The following GPC6 variants were observed in gnomAD, a reference collection of about 807,000 sequenced individuals.
GPC6 encodes glypican 6, also known as glypican-6.
Under a neutral mutation model 55.2 loss-of-function variants are expected in GPC6, and 14 were observed. That is an observed-to-expected ratio of 0.25 (90% CI 0.17 to 0.40). The LOEUF is 0.40. GPC6 is among the 10% of genes least tolerant of loss of function. The probability of loss-of-function intolerance (pLI) is 1.00; values close to 1 mark genes in which losing one functional copy is unlikely to be tolerated. For missense variants in GPC6, 641 were observed against 708.5 expected, an observed-to-expected ratio of 0.90 and a Z score of 1.08; for synonymous variants, 278 against 259.6, an observed-to-expected ratio of 1.07 and a Z score of -0.68.
rs1170109819 is a variant in GPC6, at chr13:93,487,421, AT to A, written c.161-57840del. ...TGTGTATTTTCTCCTCTGTGTGTTC[AT>A]TAACATAGCGCCTGCTAGTAAACGT... On this transcript the variant is annotated intron_variant, in intron 1 of 8. Transcript: ENST00000377047. Among the ~76,000 whole-genome samples, 3 of 152,118 alleles carry A rather than the reference AT, an allele frequency of 2.0e-5. No homozygotes were observed. In the East Asian group the frequency reaches 5.8e-4, roughly 29 times the overall value.
chr13:94,405,985 A>T lies in GPC6; in HGVS notation c.*2768A>T, dbSNP rs1322215790. 6.6e-6 allele frequency: 1 copy of T among 152,096 alleles called. No individual in the cohort carries two copies. Among genetic ancestry groups the T allele is most frequent in the Non-Finnish European group, 1.5e-5 (1 of 67,998 alleles). 9.4% of individuals were successfully genotyped at this position (152,096 alleles called of 1,614,324 possible). On this transcript the variant is annotated 3_prime_UTR_variant, in exon 9 of 9. Coordinates refer to ENST00000377047, the MANE Select transcript of GPC6 (RefSeq NM_005708.5). ...TTCAACCCTCGAATTATTTTTTCTC[A>T]TTTCAGCATAGTGATAGGGGATGCA...
At chr13:93,674,063 G>C (rs1015477742) in intron 2 of GPC6, among the ~76,000 whole-genome samples, 17 of 152,068 alleles carry the variant, frequency 1.1e-4, no homozygotes, top group African/African-American at 4.1e-4. Context: ...GGGGCAAGAA[G>C]CCAAGTGGAA....
intron 3 of GPC6, among the ~76,000 whole-genome samples, chr13:93,881,152 A>C (rs1316760766): frequency 6.6e-6 from 1 of 152,104 alleles, no homozygotes; most frequent in Non-Finnish European, 1.5e-5. Context: ...TGGTGGAAAT[A>C]GAATGTGAGT....
intron 3 of GPC6, among the ~76,000 whole-genome samples, chr13:93,930,341 G>A (rs1433314967): frequency 4.1e-5 from 6 of 146,678 alleles, no homozygotes; most frequent in Admixed American, 3.5e-4. Context: ...GTGCAATCTC[G>A]GCTCACTGCA....
At chr13:93,553,208 ATTC>A (rs1382280245) in intron 2 of GPC6, among the ~76,000 whole-genome samples, 3 of 152,056 alleles carry the variant, frequency 2.0e-5, no homozygotes, top group African/African-American at 7.2e-5. Flanking sequence ...ATAAAAAATT[ATTC>A]TTTCTTCTTC....
chr13:93,362,762 T>C (rs1327062287), intron 1 of GPC6, among the ~76,000 whole-genome samples: 3 of 152,104 alleles, frequency 2.0e-5, no homozygotes, highest in African/African-American at 7.2e-5. Flanking sequence ...CTTGCTTTAC[T>C]AATCTTCAGG....
chr13:94,246,043 TA>T (rs1891186173), intron 4 of GPC6, among the ~76,000 whole-genome samples: 1 of 152,140 alleles, frequency 6.6e-6, no homozygotes, highest in Non-Finnish European at 1.5e-5. Flanking sequence ...GTCTTTTTTA[TA>T]GTAGACATTC....
intron 4 of GPC6, among the ~76,000 whole-genome samples, chr13:94,112,256 C>G (rs1886272773): frequency 6.6e-6 from 1 of 151,958 alleles, no homozygotes; most frequent in African/African-American, 2.4e-5. Flanking sequence ...ATTTGAGATT[C>G]AAATATATGC....
intron 4 of GPC6, among the ~76,000 whole-genome samples, chr13:94,267,231 G>T (rs775071999): frequency 6.6e-6 from 1 of 152,012 alleles, no homozygotes; most frequent in Non-Finnish European, 1.5e-5. Context: ...TTGTAATAAC[G>T]TTTGGAAACC....
intron 3 of GPC6, among the ~76,000 whole-genome samples, chr13:93,847,336 T>C (rs1888217110): frequency 6.6e-6 from 1 of 152,102 alleles, no homozygotes. Context: ...ATTATGATCA[T>C]GAGAAGGGGC....
At chr13:93,792,725 T>C (rs768669177) in intron 2 of GPC6, among the ~76,000 whole-genome samples, 2 of 152,186 alleles carry the variant, frequency 1.3e-5, no homozygotes, top group Non-Finnish European at 2.9e-5. Context: ...AAGGGAGTAC[T>C]CAAGCTATGC....
At chr13:93,429,405 G>T (rs531672123) in intron 1 of GPC6, among the ~76,000 whole-genome samples, 1 of 152,214 alleles carries the variant, frequency 6.6e-6, no homozygotes, top group Non-Finnish European at 1.5e-5. Context: ...CTCTATTAGT[G>T]ATGGGGACCA....
intron 2 of GPC6, among the ~76,000 whole-genome samples, chr13:93,727,410 A>G (rs1883681433): frequency 1.3e-5 from 2 of 151,932 alleles, no homozygotes; most frequent in Non-Finnish European, 2.9e-5. Context: ...TCCCCACCCC[A>G]TTTGCCCTAT....
At chr13:94,393,205 A>G (rs1269724235) in intron 7 of GPC6, among the ~76,000 whole-genome samples, 5 of 152,182 alleles carry the variant, frequency 3.3e-5, no homozygotes, top group African/African-American at 1.2e-4. Flanking sequence ...ATTTCAGAAA[A>G]TGACCACAGT....
intron 4 of GPC6, among the ~76,000 whole-genome samples, chr13:94,069,576 C>T (rs1884655061): frequency 6.6e-6 from 1 of 152,064 alleles, no homozygotes; most frequent in Admixed American, 6.6e-5. Flanking sequence ...TACTGTTTCC[C>T]TTTTAAAATG....
intron 1 of GPC6, among the ~76,000 whole-genome samples, chr13:93,324,491 G>A (rs961974031): frequency 1.4e-5 from 2 of 146,336 alleles, no homozygotes; most frequent in African/African-American, 5.4e-5. Flanking sequence ...TCTTTATCAT[G>A]TGGTTATTAT....
At chr13:93,911,692 G>A (rs531531068) in intron 3 of GPC6, among the ~76,000 whole-genome samples, 86 of 152,284 alleles carry the variant, frequency 5.6e-4, no homozygotes, top group Middle Eastern at 3.4e-3. Context: ...GACCTTGGGC[G>A]TATTGCTTAA....
chr13:93,503,508 T>G (rs935175814), intron 1 of GPC6, among the ~76,000 whole-genome samples: 6 of 152,216 alleles, frequency 3.9e-5, no homozygotes, highest in Non-Finnish European at 5.9e-5. Flanking sequence ...GAAAACAGGC[T>G]GCAAGAGGGA....
rs180910349 is a variant in GPC6 at position 94,186,226 on chromosome 13, G to A, written c.878-100123G>A. On this transcript the variant is annotated intron_variant, in intron 4 of 8. Transcript: ENST00000377047. ...TTTACTCAGCAATCTTTTAATATGA[G>A]GTCATATTATTGGAATAGGAGTTTA... Among the ~76,000 whole-genome samples the A allele has an allele frequency of 2.6e-4, 39 of 151,936 alleles. 1 individual carries two copies. The highest frequency in any genetic ancestry group is 9.4e-4 in the African/African-American group (39 of 41,302).
Sources: allele counts gnomAD v4.1 joint callset (sites outside exome capture counted in the v4.1 genomes callset), GRCh38; gene constraint gnomAD v4.1.1; transcripts MANE v1.5; gene names NCBI Gene and HGNC (gene_info 2026-07-23, HGNC 2026-07-21).